CCDC82: variants seen among roughly 807,000 people sequenced by gnomAD.
CCDC82 encodes coiled-coil domain-containing protein 82.
CCDC82 carries 47 observed loss-of-function variants against 60.6 expected under a neutral mutation model. That is an observed-to-expected ratio of 0.77 (90% CI 0.61 to 0.99). The LOEUF is 0.99. Among genes scored for constraint, CCDC82 ranks in the 50% least tolerant of loss-of-function variants. The probability of loss-of-function intolerance (pLI) is 0.00; values close to 1 mark genes in which losing one functional copy is unlikely to be tolerated. For synonymous variants in CCDC82, 212 were observed against 207.4 expected (o/e 1.02, Z -0.19); for missense variants, 588 against 633.0 (o/e 0.93, Z 0.76).
At chr11:96,353,762 A>C in intron 9 of CCDC82, 48 bp from the exon 10 acceptor site, 1 of 1,367,318 alleles carries the variant, frequency 7.3e-7, no homozygotes, top group Non-Finnish European at 1.0e-6. Flanking sequence ...AGCAATGAAG[A>C]CAAACTGGGC....
chr11:96,365,983 A>G (rs1054610157), intron 7 of CCDC82, among the ~76,000 whole-genome samples: 1 of 152,236 alleles, frequency 6.6e-6, no homozygotes, highest in African/African-American at 2.4e-5. Flanking sequence ...TTTATATTAT[A>G]TGATTGAAAA....
At chr11:96,362,423 T>G (rs1020474265) in intron 8 of CCDC82, among the ~76,000 whole-genome samples, 2 of 152,194 alleles carry the variant, frequency 1.3e-5, no homozygotes, top group African/African-American at 4.8e-5. Flanking sequence ...TTGCCCTTGT[T>G]TGGTTTTTTG....
In CCDC82 at chr11:96,384,401, AT is replaced by A; in HGVS notation, c.346del (p.Ile116SerfsTer15). The A allele has an allele frequency of 1.2e-6, 2 of 1,613,302 alleles. No homozygotes were observed. Among genetic ancestry groups the A allele is most frequent in the Non-Finnish European group, 1.7e-6 (2 of 1,179,728 alleles). ...GSTYEEETNK[I>X]KHRNIDLQDQ... ...TTGTAAGTCAATATTCCTATGTTTG[AT>A]TTTGTTCGTTTCTTCTTCATATGTT... On this transcript the variant is annotated frameshift_variant, in exon 4 of 10. Coordinates refer to ENST00000646818, the MANE Select transcript of CCDC82 (RefSeq NM_024725.4). LOFTEE classifies it high-confidence loss of function.
chr11:96,375,761 G>C (rs1565314971), intron 5 of CCDC82, among the ~76,000 whole-genome samples: 1 of 152,222 alleles, frequency 6.6e-6, no homozygotes, highest in East Asian at 1.9e-4. Flanking sequence ...ACACATGGTA[G>C]ATTTGATATA....
intron 1 of CCDC82, 89 bp downstream of exon 1, chr11:96,389,755 T>A (rs1283792837): frequency 6.6e-6 from 1 of 152,372 alleles, no homozygotes; most frequent in Admixed American, 6.5e-5. Flanking sequence ...GAGGCACGGC[T>A]TCCCCCGCCC....
intron 5 of CCDC82, among the ~76,000 whole-genome samples, chr11:96,378,096 C>A (rs1865685074): frequency 6.6e-6 from 1 of 151,854 alleles, no homozygotes; most frequent in Non-Finnish European, 1.5e-5. Flanking sequence ...TTATTATCTT[C>A]TCCTTTATAA....
At chr11:96,372,711 CATAT>C (rs963597017) in intron 6 of CCDC82, among the ~76,000 whole-genome samples, 17 of 140,174 alleles carry the variant, frequency 1.2e-4, no homozygotes, top group South Asian at 6.5e-4. Context: ...TATATATATA[CATAT>C]ATATTTATAT....
intron 8 of CCDC82, chr11:96,364,680 A>C (rs1211846939): frequency 1.5e-5 from 3 of 200,912 alleles, no homozygotes; most frequent in Admixed American, 6.0e-5. Flanking sequence ...CTCTTGTCTA[A>C]AAAACACTTA....
At chr11:96,374,616 T>C (rs929148436) in intron 5 of CCDC82, among the ~76,000 whole-genome samples, 1 of 152,180 alleles carries the variant, frequency 6.6e-6, no homozygotes, top group Admixed American at 6.5e-5. Flanking sequence ...TAAAAATCAG[T>C]ACGGCATAAT....
chr11:96,360,221 G>T (rs114715289), intron 8 of CCDC82, among the ~76,000 whole-genome samples: 1,715 of 137,360 alleles, frequency 0.012, 29 homozygotes, highest in African/African-American at 0.043. Flanking sequence ...TTTTTTTCCT[G>T]AGATGGAGTT....
At chr11:96,383,208 T>C (rs1156309951) in intron 5 of CCDC82, 61 bp downstream of exon 5, 1 of 982,676 alleles carries the variant, frequency 1.0e-6, no homozygotes, top group South Asian at 1.3e-5. Flanking sequence ...AAGGCTAATT[T>C]GATACTTGAT....
chr11:96,384,951 A>AT, intron 3 of CCDC82, 190 bp from the exon 4 acceptor site: 1 of 487,308 alleles, frequency 2.1e-6, no homozygotes, highest in African/African-American at 2.0e-5. Flanking sequence ...TGAAATAATT[A>AT]TATGAACATC....
chr11:96,354,495 G>A (rs1864246377), intron 9 of CCDC82: 1 of 152,150 alleles, frequency 6.6e-6, no homozygotes, highest in African/African-American at 2.4e-5. Flanking sequence ...TTTGGAGCAG[G>A]GGACTGAACT....
chr11:96,382,149 G>A (rs1352717262), intron 5 of CCDC82: 1 of 151,786 alleles, frequency 6.6e-6, no homozygotes, highest in Non-Finnish European at 1.5e-5. Context: ...AAAAACACCT[G>A]TGCAACTGTG....
intron 9 of CCDC82, chr11:96,355,861 C>A (rs1864320158): frequency 6.6e-6 from 1 of 152,132 alleles, no homozygotes; most frequent in Non-Finnish European, 1.5e-5. Flanking sequence ...AGACTACTCT[C>A]TTACAACACC....
intron 3 of CCDC82, chr11:96,385,061 C>A: frequency 1.0e-5 from 2 of 194,672 alleles, no homozygotes; most frequent in Non-Finnish European, 1.0e-5. Flanking sequence ...ACTAAAATAT[C>A]TAAAACATAT....
chr11:96,371,157 CAA>C lies in CCDC82; in HGVS notation c.1085-22_1085-21del, dbSNP rs759280725. 1 of 1,447,608 alleles carries C rather than the reference CAA, an allele frequency of 6.9e-7. No individual in the cohort carries two copies. Among genetic ancestry groups the C allele is most frequent in the Non-Finnish European group, 9.2e-7 (1 of 1,092,262 alleles). The allele number at this position is 1,447,608 out of a possible 1,614,324, so 89.7% of individuals were successfully genotyped here. On this transcript the variant is annotated intron_variant, in intron 6 of 9. Coordinates refer to ENST00000646818, the MANE Select transcript of CCDC82 (RefSeq NM_024725.4). ...TGCCATCTGTTCAGGGGATAAACAA[CAA>C]AAAAAATCATTTTGTTAATTAGAAA...
chr11:96,375,646 G>A (rs1430795433), intron 5 of CCDC82, among the ~76,000 whole-genome samples: 1 of 152,190 alleles, frequency 6.6e-6, no homozygotes, highest in Non-Finnish European at 1.5e-5. Flanking sequence ...GAAATATAGA[G>A]AGGATGAAAA....
rs191652719 is a variant in CCDC82, at chr11:96,383,954, T to A, written c.786+8A>T. 1,079 of 1,591,240 alleles carry A rather than the reference T, an allele frequency of 6.8e-4. 8 individuals are homozygous for A. The Middle Eastern group carries it at 6.9e-3, about 10-fold the overall frequency. On this transcript the variant is annotated splice_region_variant and intron_variant, in intron 4 of 9. Transcript: ENST00000646818. ...AAACAATAACAAATCCAACAAAATA[T>A]AACACACCTCAAAATCTCTACCACT...
Sources: gnomAD v4.1 joint callset for allele counts (sites outside exome capture counted in the v4.1 genomes callset) on GRCh38, gnomAD v4.1.1 for gene constraint, MANE v1.5 for transcripts, NCBI Gene and HGNC (gene_info 2026-07-23, HGNC 2026-07-21) for gene names.